The following GPHN variants were observed in gnomAD, a reference collection of about 807,000 sequenced individuals.
GPHN encodes gephyrin.
Under a neutral mutation model 95.5 loss-of-function variants are expected in GPHN, and 17 were observed. The ratio of observed to expected loss-of-function variants is 0.18; its 90% confidence interval spans 0.12 to 0.27. The LOEUF (loss-of-function observed/expected upper bound fraction) is 0.27, where lower values mean the gene tolerates loss of function less well. GPHN is among the 10% of genes least tolerant of loss of function. GPHN has a pLI of 1.00. For missense variants in GPHN, 660 were observed against 978.1 expected (o/e 0.67, Z 4.34); for synonymous variants, 320 against 322.5 (o/e 0.99, Z 0.08).
the GPHN span, among the ~76,000 whole-genome samples, chr14:67,544,848 A>G: frequency 8.5e-5 from 13 of 152,358 alleles, no homozygotes; most frequent in African/African-American, 2.4e-4. Flanking sequence ...ATACAAATAC[A>G]GCAGTTGAGA....
intron 8 of GPHN, among the ~76,000 whole-genome samples, chr14:66,933,424 C>T (rs138925527): frequency 6.6e-6 from 1 of 152,262 alleles, no homozygotes; most frequent in East Asian, 1.9e-4. Flanking sequence ...CTTACTTTTA[C>T]AAGTTTTACC....
At chr14:67,179,879 T>A (rs566423367) in intron 22 of GPHN, among the ~76,000 whole-genome samples, 1 of 152,382 alleles carries the variant, frequency 6.6e-6, no homozygotes, top group South Asian at 2.1e-4. Flanking sequence ...TTGAGCCATA[T>A]TTTCTAGATA....
the GPHN span, among the ~76,000 whole-genome samples, chr14:67,190,751 G>A: frequency 6.6e-6 from 1 of 152,200 alleles, no homozygotes; most frequent in Non-Finnish European, 1.5e-5. Flanking sequence ...CTGCAAAGGT[G>A]CAACCAGAAC....
chr14:66,595,192 TGGTTGGGTTG>T (rs2061921575), intron 1 of GPHN, among the ~76,000 whole-genome samples: 1 of 152,194 alleles, frequency 6.6e-6, no homozygotes, highest in Admixed American at 6.5e-5. Context: ...TGAAGACTGT[TGGTTGGGTTG>T]TAAATTAGTA....
At position 66,508,510 on chromosome 14, in the gene GPHN, G is replaced by A. The variant is rs749611552; in HGVS notation, c.-18G>A. Reference sequence around the variant, plus strand: ...GTTTCTCCCGGCTCCTGTCAGTGCGGTGACTGCGCTGGGAAACATGGCGAC... The same window carrying A: ...GTTTCTCCCGGCTCCTGTCAGTGCGATGACTGCGCTGGGAAACATGGCGAC... On this transcript the variant is annotated 5_prime_UTR_variant, in exon 1 of 23. It adds an upstream start codon to the 5' untranslated region. Coordinates refer to ENST00000478722, the MANE Select transcript of GPHN (RefSeq NM_020806.5). The A allele has an allele frequency of 9.9e-6, 16 of 1,613,374 alleles. No homozygotes were observed. Among genetic ancestry groups the A allele is most frequent in the Non-Finnish European group, 1.4e-5 (16 of 1,179,320 alleles).
chr14:66,666,336 A>T (rs2065955429), intron 1 of GPHN, among the ~76,000 whole-genome samples: 1 of 151,252 alleles, frequency 6.6e-6, no homozygotes, highest in Non-Finnish European at 1.5e-5. Context: ...TCTTATTAAT[A>T]ATTTTATATG....
At chr14:66,758,027 T>G (rs970147469) in intron 2 of GPHN, among the ~76,000 whole-genome samples, 3 of 152,122 alleles carry the variant, frequency 2.0e-5, no homozygotes, top group Admixed American at 6.5e-5. Flanking sequence ...TTTTATGGAC[T>G]TAGAATGGGG....
At chr14:67,022,667 G>GT (rs2073722047) in intron 9 of GPHN, among the ~76,000 whole-genome samples, 2 of 125,494 alleles carry the variant, frequency 1.6e-5, no homozygotes, top group East Asian at 2.7e-4. Context: ...ATTAACAATT[G>GT]TTTTTTTCAG....
chr14:67,162,127 A>T (rs2082016553), intron 19 of GPHN, among the ~76,000 whole-genome samples: 1 of 152,232 alleles, frequency 6.6e-6, no homozygotes, highest in South Asian at 2.1e-4. Context: ...AGCCATGCAT[A>T]ATAACAAAAT....
chr14:67,349,848 T>C, the GPHN span, among the ~76,000 whole-genome samples: 1 of 152,092 alleles, frequency 6.6e-6, no homozygotes. Flanking sequence ...CTGGCAAAAA[T>C]GAAAGCCTAC....
At chr14:66,791,686 C>T (rs780827263) in intron 3 of GPHN, among the ~76,000 whole-genome samples, 15 of 152,166 alleles carry the variant, frequency 9.9e-5, no homozygotes, top group Non-Finnish European at 2.1e-4. Flanking sequence ...GTAGTAAAGC[C>T]AACTAGAGGT....
the GPHN span, chr14:67,542,075 C>T: frequency 4.3e-5 from 56 of 1,303,168 alleles, no homozygotes; most frequent in African/African-American, 7.6e-4. Flanking sequence ...GGGAGAGTTG[C>T]GGAAAGTCAA....
At chr14:67,520,754 T>C in the GPHN span, among the ~76,000 whole-genome samples, 1 of 152,218 alleles carries the variant, frequency 6.6e-6, no homozygotes, top group Non-Finnish European at 1.5e-5. Context: ...GTTATGGCAA[T>C]TAAGAATAAA....
At chr14:67,391,897 T>C in the GPHN span, among the ~76,000 whole-genome samples, 1 of 152,102 alleles carries the variant, frequency 6.6e-6, no homozygotes, top group African/African-American at 2.4e-5. Context: ...AAAATTGTTT[T>C]TAGCTCAGAA....
At chr14:66,686,740 A>C (rs2067388553) in intron 2 of GPHN, among the ~76,000 whole-genome samples, 1 of 152,042 alleles carries the variant, frequency 6.6e-6, no homozygotes, top group South Asian at 2.1e-4. Flanking sequence ...AATACCCTTT[A>C]TTTCTTTCTC....
chr14:66,906,015 T>C (rs1164198494), intron 5 of GPHN, among the ~76,000 whole-genome samples: 2 of 150,834 alleles, frequency 1.3e-5, no homozygotes, highest in Non-Finnish European at 3.0e-5. Context: ...TTTTACCACT[T>C]CCCCATTTTC....
the GPHN span, among the ~76,000 whole-genome samples, chr14:67,190,750 T>G: frequency 1.3e-5 from 2 of 152,202 alleles, no homozygotes; most frequent in Non-Finnish European, 2.9e-5. Context: ...CCTGCAAAGG[T>G]GCAACCAGAA....
chr14:67,613,936 G>A, the GPHN span: 2 of 152,340 alleles, frequency 1.3e-5, no homozygotes, highest in Non-Finnish European at 2.9e-5. Flanking sequence ...TTTTCTTTTG[G>A]TTTTGTTTTC....
chr14:67,180,779 C>T (rs1161372489), intron 22 of GPHN, 25 bp from the exon 23 acceptor site: 1 of 1,610,672 alleles, frequency 6.2e-7, no homozygotes, highest in Non-Finnish European at 8.5e-7. Flanking sequence ...GCTTATGCTG[C>T]TGTAATAAGA....
Sources: allele counts gnomAD v4.1 joint callset (sites outside exome capture counted in the v4.1 genomes callset), GRCh38; gene constraint gnomAD v4.1.1; transcripts MANE v1.5; gene names NCBI Gene and HGNC (gene_info 2026-07-23, HGNC 2026-07-21).